The following TMPRSS2 variants were observed in gnomAD, a reference collection of about 807,000 sequenced individuals.
The protein encoded by TMPRSS2 is transmembrane serine protease 2, also known as transmembrane protease serine 2.
Under a neutral mutation model 67.4 loss-of-function variants are expected in TMPRSS2, and 59 were observed. The observed-to-expected ratio is 0.88, with a 90% confidence interval of 0.71 to 1.09. The LOEUF is 1.09. Among genes scored for constraint, TMPRSS2 ranks in the 50% least tolerant of loss-of-function variants. The pLI is 0.00. For missense variants in TMPRSS2, 668 were observed against 642.7 expected (o/e 1.04, Z -0.43); for synonymous variants, 257 against 257.0 (o/e 1.00, Z 0.00).
rs456142 is a variant in TMPRSS2, at chr21:41,464,569, T to C, written c.*1573A>G. On this transcript the variant is annotated 3_prime_UTR_variant, in exon 14 of 14. Transcript: ENST00000332149. ...GCAGTAGTTACTTTGAAAAAAAAAT[T>C]GCATAATTTATTTGCATGATATTCA... is the stretch of plus-strand genomic sequence containing the variant. 169,351 of 226,028 alleles carry C rather than the reference T, an allele frequency of 0.75. 65,684 individuals carry two copies. Among genetic ancestry groups the C allele is most frequent in the Middle Eastern group, 0.87 (658 of 760 alleles). The allele number at this position is 226,028 out of a possible 1,614,324, so 14.0% of individuals were successfully genotyped here.
chr21:41,468,125 C>A, intron 12 of TMPRSS2: 1 of 616,256 alleles, frequency 1.6e-6, no homozygotes, highest in Non-Finnish European at 2.8e-6. Flanking sequence ...AATTGCCGTT[C>A]ATAATTTAAA....
At chr21:41,496,213 A>G (rs2091381370) in intron 2 of TMPRSS2, among the ~76,000 whole-genome samples, 1 of 152,224 alleles carries the variant, frequency 6.6e-6, no homozygotes, top group African/African-American at 2.4e-5. Context: ...ACAGGTATGA[A>G]TTAATACAAA....
At chr21:41,476,516 C>G in intron 8 of TMPRSS2, 61 bp downstream of exon 8, 1 of 1,546,692 alleles carries the variant, frequency 6.5e-7, no homozygotes, top group Non-Finnish European at 8.9e-7. Flanking sequence ...GAGTACTGTT[C>G]TGAAAGTAGA....
Position 41,508,114 on chromosome 21 carries a change from G to T in TMPRSS2, c.-90C>A. 1 of 1,092,200 alleles carries T rather than the reference G, an allele frequency of 9.2e-7. No homozygotes were observed. Among genetic ancestry groups the T allele is most frequent in the East Asian group, 3.3e-5 (1 of 30,492 alleles). 67.7% of individuals were successfully genotyped at this position (1,092,200 alleles called of 1,614,324 possible). ...CTCCAGGCGGCGCTCCCCGCCCCTC[G>T]CCCTCCGCCTCCGCCTCCGCCTCCT... is the stretch of plus-strand genomic sequence containing the variant. On this transcript the variant is annotated 5_prime_UTR_variant, in exon 1 of 14. Transcript: ENST00000332149.
chr21:41,478,264 C>T lies in TMPRSS2; in HGVS notation c.683+908G>A, dbSNP rs1029750837. On this transcript the variant is annotated intron_variant, in intron 7 of 13. Transcript: ENST00000332149. The surrounding 1 kb of genome is among the most constrained non-coding windows in gnomAD (Gnocchi z 4.0). ...CCCAGACCCCTCCACCAGCGGCCTCCAGGAATGCAAACCTGCCCCAGGCTC... is the reference window on the plus strand; with the variant it reads ...CCCAGACCCCTCCACCAGCGGCCTCTAGGAATGCAAACCTGCCCCAGGCTC... Among the ~76,000 whole-genome samples the T allele has an allele frequency of 6.6e-6, 1 of 152,158 alleles. No individual in the cohort carries two copies. Among genetic ancestry groups the T allele is most frequent in the Non-Finnish European group, 1.5e-5 (1 of 68,040 alleles).
In TMPRSS2 at chr21:41,470,630, G is replaced by A. The variant is rs2091124591; in HGVS notation, c.1171+18C>T. 6.2e-7 allele frequency: 1 copy of A among 1,610,680 alleles called. No homozygotes were observed. Among genetic ancestry groups the A allele is most frequent in the Non-Finnish European group, 8.5e-7 (1 of 1,178,160 alleles). Reference sequence around the variant, plus strand: ...ATCTGTGGGCCCTGCAGTCCTGTGTGCCCAGGAGCAGCCTCACCTTTCTCC... The same window carrying A: ...ATCTGTGGGCCCTGCAGTCCTGTGTACCCAGGAGCAGCCTCACCTTTCTCC... On this transcript the variant is annotated intron_variant, in intron 11 of 13. Transcript: ENST00000332149.
At chr21:41,468,230 C>G (rs1367280080) in intron 12 of TMPRSS2, 166 bp downstream of exon 12, 15 of 816,204 alleles carry the variant, frequency 1.8e-5, no homozygotes, top group Middle Eastern at 7.3e-4. Flanking sequence ...CTTCCTTCTG[C>G]CACCAGAAGC....
At chr21:41,490,921 A>C (rs528452414) in intron 3 of TMPRSS2, among the ~76,000 whole-genome samples, 254 of 151,952 alleles carry the variant, frequency 1.7e-3, no homozygotes, top group Middle Eastern at 3.4e-3. Context: ...GCAGCCTGGA[A>C]CTCCCCACCT....
Position 41,476,607 on chromosome 21 carries a change from A to G in TMPRSS2, c.697T>C (p.Ser233Pro). Residue 233 changes from serine (S) to proline (P), a missense_variant, in exon 8 of 14, where the codon TCA becomes CCA. Coordinates refer to ENST00000332149, the MANE Select transcript of TMPRSS2 (RefSeq NM_005656.4). ...KKLYHSDACS[S>P]KAVVSLRCIA... Reference sequence around the variant, plus strand: ...CAGCGTAAAGAAACCACTGCTTTTGAAGAACAGGCATCACTGCAAAAAGAA... The same window carrying G: ...CAGCGTAAAGAAACCACTGCTTTTGGAGAACAGGCATCACTGCAAAAAGAA... 6.3e-7 allele frequency: 1 copy of G among 1,592,332 alleles called. No individual in the cohort carries two copies. Among genetic ancestry groups the G allele is most frequent in the Middle Eastern group, 1.7e-4 (1 of 6,008 alleles).
In TMPRSS2 at chr21:41,489,499, G is replaced by A. The variant is rs752170531; in HGVS notation, c.325+8C>T. On this transcript the variant is annotated splice_region_variant and intron_variant, in intron 4 of 13. Coordinates refer to ENST00000332149, the MANE Select transcript of TMPRSS2 (RefSeq NM_005656.4). ...GCACATGGTGGGATCGAGGCTCCCT[G>A]CACTTACTGAACTTCCAGAGTAGGC... 6 of 1,613,570 alleles carry A rather than the reference G, an allele frequency of 3.7e-6. No individual in the cohort carries two copies. The highest frequency in any genetic ancestry group is 4.2e-6 in the Non-Finnish European group (5 of 1,179,610).
rs1433942621 is a variant in TMPRSS2, at chr21:41,476,618, T to C, written c.686A>G (p.Asp229Gly). ...AACCACTGCTTTTGAAGAACAGGCA[T>C]CACTGCAAAAAGAACAGGGGAAATT... ...VDIYKKLYHS[D>G]ACSSKAVVSL... The change falls in exon 8 of 14, where the codon GAT (aspartate) becomes GGT (glycine). Residue 229 changes from aspartate (D) to glycine (G), a missense_variant and splice_region_variant. Coordinates refer to ENST00000332149, the MANE Select transcript of TMPRSS2 (RefSeq NM_005656.4). The C allele has an allele frequency of 6.6e-7, 1 of 1,516,750 alleles. No individual in the cohort carries two copies. Among genetic ancestry groups the C allele is most frequent in the Non-Finnish European group, 8.8e-7 (1 of 1,130,514 alleles). 94.0% of individuals were successfully genotyped at this position (1,516,750 alleles called of 1,614,324 possible).
At chr21:41,494,223 G>T in intron 3 of TMPRSS2, 133 bp downstream of exon 3, 1 of 953,956 alleles carries the variant, frequency 1.0e-6, no homozygotes, top group African/African-American at 1.7e-5. Flanking sequence ...AGACAGGCTG[G>T]CTCCGGAAGA....
In TMPRSS2 at chr21:41,496,133, C is replaced by T. The variant is rs370530303; in HGVS notation, c.16-1555G>A. On this transcript the variant is annotated intron_variant, in intron 2 of 13. Coordinates refer to ENST00000332149, the MANE Select transcript of TMPRSS2 (RefSeq NM_005656.4). ...AGCTAACATTGGAGAACTCAGCTGC[C>T]GCCAGGCTCCTGTACTCATAATCTC... Among the ~76,000 whole-genome samples the T allele has an allele frequency of 1.3e-4, 20 of 152,146 alleles. 1 individual carries two copies. In the East Asian group the frequency reaches 1.7e-3, roughly 13 times the overall value.
intron 5 of TMPRSS2, among the ~76,000 whole-genome samples, chr21:41,482,273 A>T (rs2091262781): frequency 6.6e-6 from 1 of 151,972 alleles, no homozygotes; most frequent in Non-Finnish European, 1.5e-5. Context: ...AGAGGTAACC[A>T]CCATCCAGAG....
At chr21:41,493,590 G>C (rs1487917286) in intron 3 of TMPRSS2, among the ~76,000 whole-genome samples, 3 of 152,224 alleles carry the variant, frequency 2.0e-5, no homozygotes, top group African/African-American at 7.2e-5. Flanking sequence ...TCAATTAAAA[G>C]ATCAATGTAA....
intron 11 of TMPRSS2, among the ~76,000 whole-genome samples, chr21:41,468,999 A>T (rs575517837): frequency 7.2e-5 from 11 of 152,208 alleles, no homozygotes; most frequent in Admixed American, 3.9e-4. Flanking sequence ...GAGCTTCTCA[A>T]GACACGGCCT....
chr21:41,481,964 G>T (rs2091260395), intron 5 of TMPRSS2, among the ~76,000 whole-genome samples: 1 of 152,080 alleles, frequency 6.6e-6, no homozygotes, highest in Non-Finnish European at 1.5e-5. Flanking sequence ...GGGAGGCTGA[G>T]GCAGGGGAAT....
intron 1 of TMPRSS2, chr21:41,502,676 G>T: frequency 1.3e-6 from 1 of 772,376 alleles, no homozygotes; most frequent in Non-Finnish European, 1.6e-6. Context: ...GATTTCAGTG[G>T]CTGTTCAGCA....
At chr21:41,498,277 A>G in intron 1 of TMPRSS2, 88 bp from the exon 2 acceptor site, 2 of 886,096 alleles carry the variant, frequency 2.3e-6, no homozygotes, top group African/African-American at 3.4e-5. Context: ...GAATCTCTAG[A>G]TGAAGGTTAC....
Sources: gnomAD v4.1 joint callset for allele counts (sites outside exome capture counted in the v4.1 genomes callset) on GRCh38, gnomAD v4.1.1 for gene constraint, Gnocchi (gnomAD v3.1) non-coding constraint, MANE v1.5 for transcripts, NCBI Gene and HGNC (gene_info 2026-07-23, HGNC 2026-07-21) for gene names.